The following PAQR5 variants were observed in gnomAD, a reference collection of about 807,000 sequenced individuals.
The protein encoded by PAQR5 is membrane progestin receptor gamma.
PAQR5 carries 20 observed loss-of-function variants against 34.5 expected under a neutral mutation model. That is an observed-to-expected ratio of 0.58 (90% CI 0.41 to 0.84). The LOEUF is 0.84. Ranked by LOEUF, PAQR5 falls within the 40% of genes least tolerant of loss-of-function variation. The pLI is 0.00. For synonymous variants in PAQR5, 131 were observed against 155.6 expected (o/e 0.84, Z 1.18); for missense variants, 378 against 412.7 (o/e 0.92, Z 0.73).
intron 2 of PAQR5, among the ~76,000 whole-genome samples, chr15:69,355,714 C>T (rs968531871): frequency 2.0e-5 from 3 of 152,066 alleles, no homozygotes; most frequent in South Asian, 4.2e-4. Flanking sequence ...AGGCATTGTG[C>T]CCGGCCTGTC....
chr15:69,335,437 G>T (rs963411931), intron 1 of PAQR5, among the ~76,000 whole-genome samples: 1 of 150,502 alleles, frequency 6.6e-6, no homozygotes, highest in African/African-American at 2.4e-5. Context: ...TAGAGAAGGG[G>T]TTTCTCCATG....
intron 1 of PAQR5, among the ~76,000 whole-genome samples, chr15:69,316,104 CAG>C (rs1203315110): frequency 1.3e-5 from 2 of 152,040 alleles, no homozygotes; most frequent in Admixed American, 6.6e-5. Flanking sequence ...TTTTTTGAAA[CAG>C]AGTCTCCCTC....
In PAQR5 at chr15:69,360,084, C is replaced by T; in HGVS notation, c.4C>T (p.Leu2=). M[L]SLKLPRLFSI... is the part of the protein sequence containing the mutation. ...GCCTTGCCAATCCAGCTCCAAGATG[C>T]TGAGCCTGAAGCTCCCCAGGCTGTT... The change falls in exon 3 of 9, where the codon CTG becomes TTG. Residue 2 remains leucine (L), a synonymous_variant. Coordinates refer to ENST00000395407, the MANE Select transcript of PAQR5 (RefSeq NM_017705.4). 6.2e-7 allele frequency: 1 copy of T among 1,613,472 alleles called. No individual in the cohort carries two copies. Among genetic ancestry groups the T allele is most frequent in the Non-Finnish European group, 8.5e-7 (1 of 1,179,414 alleles).
chr15:69,347,449 T>C (rs927679638), intron 2 of PAQR5, among the ~76,000 whole-genome samples: 3 of 152,198 alleles, frequency 2.0e-5, no homozygotes, highest in Non-Finnish European at 4.4e-5. Context: ...ATTCTCTTCT[T>C]AAAAGGAAAC....
At chr15:69,369,629 T>C (rs976209009) in intron 3 of PAQR5, among the ~76,000 whole-genome samples, 1 of 151,468 alleles carries the variant, frequency 6.6e-6, no homozygotes, top group African/African-American at 2.4e-5. Flanking sequence ...TTAACCTCTT[T>C]CTATTTGTAA....
At chr15:69,307,345 T>C (rs1007283404) in intron 1 of PAQR5, among the ~76,000 whole-genome samples, 2 of 152,224 alleles carry the variant, frequency 1.3e-5, no homozygotes, top group Admixed American at 6.5e-5. Flanking sequence ...GTGGAGTTTC[T>C]GGGTCATATG....
chr15:69,327,772 G>A (rs962246564), intron 1 of PAQR5, among the ~76,000 whole-genome samples: 1 of 152,080 alleles, frequency 6.6e-6, no homozygotes, highest in African/African-American at 2.4e-5. Context: ...GGAGAGGTGA[G>A]GGGACAAACA....
At position 69,404,402 on chromosome 15, in the gene PAQR5, A is replaced by C. The variant is rs2056722597; in HGVS notation, c.*580A>C. 6.6e-6 allele frequency: 1 copy of C among 152,548 alleles called. No individual in the cohort carries two copies. Among genetic ancestry groups the C allele is most frequent in the East Asian group, 1.9e-4 (1 of 5,204 alleles). The allele number at this position is 152,548 out of a possible 1,614,324, so 9.4% of individuals were successfully genotyped here. A position where few individuals can be genotyped will look rare whatever the true frequency, so the allele number is the denominator to read the frequency against. Reference sequence around the variant, plus strand: ...CCTAGTGAAGGGAGAACAGAAGGGGAGTCCTCTCTTCCCACAAGTCCATTC... The same window carrying C: ...CCTAGTGAAGGGAGAACAGAAGGGGCGTCCTCTCTTCCCACAAGTCCATTC... On this transcript the variant is annotated 3_prime_UTR_variant, in exon 9 of 9. Transcript: ENST00000395407.
Position 69,384,868 on chromosome 15 carries a change from A to T in PAQR5, c.371A>T (p.Asn124Ile). Residue 124 changes from asparagine to isoleucine, a missense_variant, in exon 5 of 9, where the codon AAC becomes ATC. Physicochemically the swap from Asn to Ile is moderately radical, Grantham distance 149. Transcript: ENST00000395407. ...ICYFLDYGAV[N>I]LFSLGSAIAY... Reference sequence around the variant, plus strand: ...TACTTCCTGGACTATGGTGCCGTCAACCTCTTCAGCCTGGGTATGTGAGGC... The same window carrying T: ...TACTTCCTGGACTATGGTGCCGTCATCCTCTTCAGCCTGGGTATGTGAGGC... 1 of 1,613,642 alleles carries T rather than the reference A, an allele frequency of 6.2e-7. No individual in the cohort carries two copies. Among genetic ancestry groups the T allele is most frequent in the Non-Finnish European group, 8.5e-7 (1 of 1,179,846 alleles).
rs1335392360 is a variant in PAQR5, at chr15:69,397,548, TC to T, written c.597del (p.Ile200SerfsTer25). 3.1e-6 allele frequency: 5 copies of T among 1,607,060 alleles called. No individual in the cohort carries two copies. Among genetic ancestry groups the T allele is most frequent in the Non-Finnish European group, 4.3e-6 (5 of 1,173,470 alleles). On this transcript the variant is annotated frameshift_variant, in exon 7 of 9. Coordinates refer to ENST00000395407, the MANE Select transcript of PAQR5 (RefSeq NM_017705.4). LOFTEE classifies it high-confidence loss of function. ...GCTTATCCGTACACCTGGGACTCCC[TC>T]CCCATCTTCTACAGGGTAAGGACTG... The part of the protein sequence containing the change: ...AFAYPYTWDS[L>X]PIFYRLFLFP...
In PAQR5 at chr15:69,404,191, A is replaced by C. The variant is rs1212143855; in HGVS notation, c.*369A>C. On this transcript the variant is annotated 3_prime_UTR_variant, in exon 9 of 9. Transcript: ENST00000395407. ...AAAATGAATCTTGCTTCATTTGATG[A>C]ATTTCATGTCACAAAGCTTCTCTCA... 1 of 192,554 alleles carries C rather than the reference A, an allele frequency of 5.2e-6. No homozygotes were observed. The highest frequency in any genetic ancestry group is 1.1e-5 in the Non-Finnish European group (1 of 93,950). The allele number at this position is 192,554 out of a possible 1,614,324, so 11.9% of individuals were successfully genotyped here. A position where few individuals can be genotyped will look rare whatever the true frequency, so the allele number is the denominator to read the frequency against.
chr15:69,348,319 C>T (rs1567012881), intron 2 of PAQR5, among the ~76,000 whole-genome samples: 2 of 152,146 alleles, frequency 1.3e-5, no homozygotes, highest in South Asian at 2.1e-4. Context: ...GAAAGTACTG[C>T]GATTTTAATT....
chr15:69,403,632 A>G lies in PAQR5; in HGVS notation c.803A>G (p.Gln268Arg). ...TGTGTGATCCTGGCCACGCACATGCAGATGGAAGCCATACTTCTGGACAAG... is the reference window on the plus strand; with the variant it reads ...TGTGTGATCCTGGCCACGCACATGCGGATGGAAGCCATACTTCTGGACAAG... Reference protein sequence around the residue: ...HVCVILATHMQMEAILLDKTL... With the variant: ...HVCVILATHMRMEAILLDKTL... Residue 268 changes from glutamine (Q) to arginine (R), a missense_variant, in exon 9 of 9, where the codon CAG (glutamine) becomes CGG (arginine). By Grantham distance (43) the Gln-to-Arg change is conservative. Transcript: ENST00000395407. 6.2e-7 allele frequency: 1 copy of G among 1,614,124 alleles called. No individual in the cohort carries two copies. Among genetic ancestry groups the G allele is most frequent in the Non-Finnish European group, 8.5e-7 (1 of 1,179,968 alleles).
At chr15:69,382,430 A>C (rs1262282344) in intron 4 of PAQR5, among the ~76,000 whole-genome samples, 3 of 151,990 alleles carry the variant, frequency 2.0e-5, no homozygotes, top group Non-Finnish European at 4.4e-5. Flanking sequence ...GCAGACCACA[A>C]GGTCAGGAGA....
At chr15:69,319,138 A>T (rs1173901280) in intron 1 of PAQR5, among the ~76,000 whole-genome samples, 4 of 136,482 alleles carry the variant, frequency 2.9e-5, no homozygotes, top group Admixed American at 1.6e-4. Context: ...CATTTCAAAA[A>T]ATATATATAT....
Position 69,322,757 on chromosome 15 carries a change from A to AGAAGAAGATGAG in PAQR5, c.-276-14576_-276-14575insTGAGGAAGAAGA, listed in dbSNP as rs1566997864. ...AAGAAGAAGAAGAAGAAGAAGAAGA[A>AGAAGAAGATGAG]GAAGAAGAAGAAGAGGGAGAAGAAG... is the stretch of plus-strand genomic sequence containing the variant. On this transcript the variant is annotated intron_variant, in intron 1 of 8. Transcript: ENST00000395407. 2.3e-3 allele frequency among the ~76,000 whole-genome samples: 64 copies of AGAAGAAGATGAG among 28,386 alleles called. 4 individuals carry two copies. Among genetic ancestry groups the AGAAGAAGATGAG allele is most frequent in the Non-Finnish European group, 3.4e-3 (43 of 12,676 alleles). 18.6% of individuals were successfully genotyped at this position (28,386 alleles called of 152,430 possible).
At chr15:69,376,674 C>T (rs956577817) in intron 3 of PAQR5, among the ~76,000 whole-genome samples, 2 of 152,290 alleles carry the variant, frequency 1.3e-5, no homozygotes, top group Admixed American at 6.5e-5. Flanking sequence ...GGCTTCCCAT[C>T]CTTGTCTGGG....
rs977873292 is a variant in PAQR5 at position 69,406,930 on chromosome 15, T to C, written c.*3108T>C. On this transcript the variant is annotated 3_prime_UTR_variant, in exon 9 of 9. Coordinates refer to ENST00000395407, the MANE Select transcript of PAQR5 (RefSeq NM_017705.4). Reference sequence around the variant, plus strand: ...GGATGTTATGGGAAATTTAGAGGTCTTCTGAGTATAAAGTGGTTTAAATAT... The same window carrying C: ...GGATGTTATGGGAAATTTAGAGGTCCTCTGAGTATAAAGTGGTTTAAATAT... The C allele has an allele frequency of 1.5e-4, 23 of 152,168 alleles. 1 individual carries two copies. The allele number at this position is 152,168 out of a possible 1,614,324, so 9.4% of individuals were successfully genotyped here. A position where few individuals can be genotyped will look rare whatever the true frequency, so the allele number is the denominator to read the frequency against.
In PAQR5 at chr15:69,385,437, G is replaced by A. The variant is rs569364040; in HGVS notation, c.385+555G>A. Among the ~76,000 whole-genome samples, 3 of 152,260 alleles carry A rather than the reference G, an allele frequency of 2.0e-5. No homozygotes were observed. Among genetic ancestry groups the A allele is most frequent in the East Asian group, 1.9e-4 (1 of 5,188 alleles). On this transcript the variant is annotated intron_variant, in intron 5 of 8. Coordinates refer to ENST00000395407, the MANE Select transcript of PAQR5 (RefSeq NM_017705.4). The surrounding 1 kb of genome is among the most constrained non-coding windows in gnomAD (Gnocchi z 4.7). The stretch of plus-strand genomic sequence containing the variant: ...AGAGGAGGGTGAGGTCATGAGCCTC[G>A]TATATCCAGAGGCTTAGCACAATCA...
Sources: allele counts gnomAD v4.1 joint callset (sites outside exome capture counted in the v4.1 genomes callset), GRCh38; gene constraint gnomAD v4.1.1; non-coding constraint Gnocchi (gnomAD v3.1); transcripts MANE v1.5; gene names NCBI Gene and HGNC (gene_info 2026-07-23, HGNC 2026-07-21).